The following RESF1 variants were observed in gnomAD, a reference collection of about 807,000 sequenced individuals.
RESF1 encodes the protein retroelement silencing factor 1.
RESF1 carries 65 observed loss-of-function variants against 134.7 expected under a neutral mutation model. The ratio of observed to expected loss-of-function variants is 0.48; its 90% CI spans 0.40 to 0.59. The LOEUF is 0.59. Among genes scored for constraint, RESF1 ranks in the 20% least tolerant of loss-of-function variants. The pLI, the probability that RESF1 is intolerant of heterozygous loss-of-function variation, is 0.00. For missense variants in RESF1, 2,274 were observed against 2,002.7 expected, an observed-to-expected ratio of 1.14 and a Z score of -2.59; for synonymous variants, 762 against 702.2, an observed-to-expected ratio of 1.09 and a Z score of -1.35.
At chr12:31,969,583 A>T (rs938015445) in intron 2 of RESF1, among the ~76,000 whole-genome samples, 3 of 152,204 alleles carry the variant, frequency 2.0e-5, no homozygotes, top group African/African-American at 7.2e-5. Flanking sequence ...TCTGACCTAC[A>T]GCAGACCTGG....
intron 2 of RESF1, among the ~76,000 whole-genome samples, chr12:31,964,375 T>C (rs532184557): frequency 1.1e-4 from 16 of 152,306 alleles, no homozygotes; most frequent in Admixed American, 4.6e-4. Context: ...CTCCCACTTA[T>C]GTGTGAAAGC....
At chr12:31,967,455 G>A (rs978436175) in intron 2 of RESF1, among the ~76,000 whole-genome samples, 3 of 152,136 alleles carry the variant, frequency 2.0e-5, no homozygotes, top group Non-Finnish European at 1.5e-5. Flanking sequence ...GTTACATTTC[G>A]ATAACCTGTA....
chr12:31,981,577 T>G lies in RESF1; in HGVS notation c.622T>G (p.Tyr208Asp), dbSNP rs202157249. Residue 208 changes from tyrosine (Y) to aspartate (D), a missense_variant, in exon 4 of 6, where the codon TAC becomes GAC. Transcript: ENST00000312561. ...ACAGTGTATATCTAAGGGACTGACT[T>G]ACCCAGATTACAGACCACCTCCAAA... ...TQQCISKGLTYPDYRPPPKLY... is the reference protein window; with the variant it reads ...TQQCISKGLTDPDYRPPPKLY... 2.0e-5 allele frequency: 33 copies of G among 1,614,000 alleles called. No homozygotes were observed. The highest frequency in any genetic ancestry group is 4.4e-5 in the South Asian group (4 of 91,086).
rs142624914 is a variant in RESF1 at position 31,968,738 on chromosome 12, G to A, written c.-246-1451G>A. Among the ~76,000 whole-genome samples, 689 of 152,248 alleles carry A rather than the reference G, an allele frequency of 4.5e-3. 5 individuals carry two copies. The highest frequency in any genetic ancestry group is 0.016 in the African/African-American group (674 of 41,538). ...GCTGGGATTACAGGCGTGAGCCACC[G>A]CGCCCGGCCTAGGACTTCTCTTTAA... On this transcript the variant is annotated intron_variant, in intron 2 of 5. Coordinates refer to ENST00000312561, the MANE Select transcript of RESF1 (RefSeq NM_018169.4).
At chr12:31,973,403 G>T (rs762512817) in intron 3 of RESF1, among the ~76,000 whole-genome samples, 16 of 151,924 alleles carry the variant, frequency 1.1e-4, no homozygotes, top group Admixed American at 2.0e-4. Flanking sequence ...AAACATCTGG[G>T]CTCAAACAGT....
Position 31,982,308 on chromosome 12 carries a change from C to G in RESF1, c.1353C>G (p.Ile451Met), listed in dbSNP as rs768935696. ...TGTCTCTAAAACAAACTGCCAAAATCCAGTCTGGACCCCAGATAACTCCAG... is the reference window on the plus strand; with the variant it reads ...TGTCTCTAAAACAAACTGCCAAAATGCAGTCTGGACCCCAGATAACTCCAG... ...SKLSLKQTAKIQSGPQITPVM... is the reference protein window; with the variant it reads ...SKLSLKQTAKMQSGPQITPVM... The change falls in exon 4 of 6, where the codon ATC (isoleucine) becomes ATG (methionine). Residue 451 changes from isoleucine (I) to methionine (M), a missense_variant. Ile to Met is a conservative substitution (Grantham distance 10). Transcript: ENST00000312561. 4.3e-6 allele frequency: 7 copies of G among 1,613,958 alleles called. No homozygotes were observed. Among genetic ancestry groups the G allele is most frequent in the Non-Finnish European group, 4.2e-6 (5 of 1,180,024 alleles).
chr12:31,968,548 A>G (rs1939446306), intron 2 of RESF1, among the ~76,000 whole-genome samples: 1 of 150,746 alleles, frequency 6.6e-6, no homozygotes, highest in Non-Finnish European at 1.5e-5. Flanking sequence ...TCTTGGGTTC[A>G]TGCCATTCTC....
chr12:31,981,952 A>G lies in RESF1; in HGVS notation c.997A>G (p.Thr333Ala), dbSNP rs190287613. The G allele has an allele frequency of 1.2e-4, 197 of 1,614,224 alleles. 1 individual carries two copies. In the East Asian group the frequency reaches 4.1e-3, roughly 34 times the overall value. ...QWQNPNENVS[T>A]IGNFTNLKVN... ...GCAAAACCCTAATGAAAATGTCAGC[A>G]CAATTGGAAATTTCACTAACTTGAA... Residue 333 changes from threonine to alanine, a missense_variant, in exon 4 of 6, where the codon ACA becomes GCA. Physicochemically the swap from Thr to Ala is moderately conservative, Grantham distance 58. Coordinates refer to ENST00000312561, the MANE Select transcript of RESF1 (RefSeq NM_018169.4).
intron 2 of RESF1, among the ~76,000 whole-genome samples, chr12:31,961,651 T>G (rs74073662): frequency 0.013 from 2,002 of 152,358 alleles, 41 homozygotes; most frequent in African/African-American, 0.046. Context: ...TTTTATTGAT[T>G]AAACCCATCA....
intron 2 of RESF1, among the ~76,000 whole-genome samples, chr12:31,961,436 G>A (rs1477725548): frequency 1.3e-5 from 2 of 152,178 alleles, no homozygotes; most frequent in Non-Finnish European, 2.9e-5. Context: ...ATAAAATGGG[G>A]ACAAGCACTA....
chr12:31,968,764 T>A (rs1939451136), intron 2 of RESF1, among the ~76,000 whole-genome samples: 1 of 152,182 alleles, frequency 6.6e-6, no homozygotes, highest in Non-Finnish European at 1.5e-5. Flanking sequence ...TTCTCTTTAA[T>A]GGGGTGTTCA....
In RESF1 at chr12:31,984,328, C is replaced by T; in HGVS notation, c.3373C>T (p.Pro1125Ser). The change falls in exon 4 of 6, where the codon CCC (proline) becomes TCC (serine). Residue 1125 changes from proline to serine, a missense_variant. Transcript: ENST00000312561. Reference protein sequence around the residue: ...KEIFPEQDDQPYVVDKLAEPQ... With the variant: ...KEIFPEQDDQSYVVDKLAEPQ... ...AATATTTCCTGAACAGGATGATCAA[C>T]CCTATGTAGTAGACAAGTTGGCAGA... 6.2e-7 allele frequency: 1 copy of T among 1,613,986 alleles called. No individual in the cohort carries two copies. The highest frequency in any genetic ancestry group is 8.5e-7 in the Non-Finnish European group (1 of 1,180,002).
At chr12:31,979,696 C>A (rs1210735203) in intron 3 of RESF1, among the ~76,000 whole-genome samples, 4 of 151,854 alleles carry the variant, frequency 2.6e-5, no homozygotes, top group Admixed American at 6.6e-5. Context: ...TACGGGCATG[C>A]ACCACCATGA....
chr12:31,977,729 C>T (rs905028215), intron 3 of RESF1, among the ~76,000 whole-genome samples: 1 of 151,592 alleles, frequency 6.6e-6, no homozygotes, highest in Non-Finnish European at 1.5e-5. Flanking sequence ...AGTTTATAAT[C>T]AAGCTTGTTA....
In RESF1 at chr12:31,985,899, T is replaced by C. The variant is rs1288572502; in HGVS notation, c.4944T>C (p.Ser1648=). The C allele has an allele frequency of 6.6e-7, 1 of 1,520,468 alleles. No individual in the cohort carries two copies. The highest frequency in any genetic ancestry group is 2.3e-5 in the East Asian group (1 of 43,130). 94.2% of individuals were successfully genotyped at this position (1,520,468 alleles called of 1,614,324 possible). A position where few individuals can be genotyped will look rare whatever the true frequency, so the allele number is the denominator to read the frequency against. The change falls in exon 4 of 6, where the codon TCT becomes TCC. Residue 1648 remains serine (S), a synonymous_variant. Coordinates refer to ENST00000312561, the MANE Select transcript of RESF1 (RefSeq NM_018169.4). ...CPDILLKNTN[S]VEERKDVKPH... is the part of the protein sequence containing the mutation. ...ATATCTTACTAAAGAATACAAACTC[T>C]GTGGAAGAACGGAAGGATGTAAAGC...
intron 2 of RESF1, among the ~76,000 whole-genome samples, chr12:31,964,275 T>TC (rs398116309): frequency 2.0e-5 from 3 of 151,954 alleles, no homozygotes; most frequent in South Asian, 2.1e-4. Context: ...TGTTTTTTTT[T>TC]CAAATCCTCT....
rs1342014595 is a variant in RESF1 at position 31,985,217 on chromosome 12, A to C, written c.4262A>C (p.Lys1421Thr). The C allele has an allele frequency of 6.3e-7, 1 of 1,585,808 alleles. No homozygotes were observed. Among genetic ancestry groups the C allele is most frequent in the Non-Finnish European group, 8.5e-7 (1 of 1,172,448 alleles). ...AACCCAAACGAAAGAGCCATTGTTA[A>C]AGAAAAGATGGTATCAAATACTAAG... is the stretch of plus-strand genomic sequence containing the variant. ...LSNPNERAIV[K>T]EKMVSNTKSV... Residue 1421 changes from lysine (K) to threonine (T), a missense_variant, in exon 4 of 6, where the codon AAA becomes ACA. Coordinates refer to ENST00000312561, the MANE Select transcript of RESF1 (RefSeq NM_018169.4).
At position 31,959,438 on chromosome 12, in the gene RESF1, G is replaced by C. The variant is rs368789939; in HGVS notation, c.-395G>C. 1.3e-5 allele frequency: 2 copies of C among 152,458 alleles called. No individual in the cohort carries two copies. Among genetic ancestry groups the C allele is most frequent in the South Asian group, 2.1e-4 (1 of 4,836 alleles). 9.4% of individuals were successfully genotyped at this position (152,458 alleles called of 1,614,324 possible). On this transcript the variant is annotated 5_prime_UTR_variant, in exon 1 of 6. Transcript: ENST00000312561. ...CCACTTGACTTAAACTCTGGGGCCC[G>C]GGAGGCCGCCGGTTTTCTCCCCGCT...
rs750166526 is a variant in RESF1, at chr12:31,985,400, G to A, written c.4445G>A (p.Ser1482Asn). 6 of 1,605,562 alleles carry A rather than the reference G, an allele frequency of 3.7e-6. No homozygotes were observed. The highest frequency in any genetic ancestry group is 5.1e-6 in the Non-Finnish European group (6 of 1,177,820). ...TGTGATTCTGAACATATGAGACCAA[G>A]TAAACTTGCCGTGCAGGTTGAAAGT... ...VPCDSEHMRPSKLAVQVESCG... is the reference protein window; with the variant it reads ...VPCDSEHMRPNKLAVQVESCG... The change falls in exon 4 of 6, where the codon AGT becomes AAT. Residue 1482 changes from serine to asparagine, a missense_variant. Coordinates refer to ENST00000312561, the MANE Select transcript of RESF1 (RefSeq NM_018169.4).
Sources: allele counts gnomAD v4.1 joint callset (sites outside exome capture counted in the v4.1 genomes callset), GRCh38; gene constraint gnomAD v4.1.1; transcripts MANE v1.5; gene names NCBI Gene and HGNC (gene_info 2026-07-23, HGNC 2026-07-21).